Variants in ST7 observed in about 807,000 individuals in gnomAD.
The protein encoded by ST7 is suppression of tumorigenicity 7.
In ST7, 28 loss-of-function variants were observed where a neutral mutation model predicts 78.7. The observed-to-expected ratio is 0.36, with a 90% CI of 0.26 to 0.49. The LOEUF (loss-of-function observed/expected upper bound fraction) is 0.49, where lower values mean the gene tolerates loss of function less well. Ranked by LOEUF, ST7 falls within the 20% of genes least tolerant of loss-of-function variation. The pLI is 0.99. For missense variants in ST7, 418 were observed against 696.0 expected, an observed-to-expected ratio of 0.60 and a Z score of 4.49; for synonymous variants, 247 against 249.6, an observed-to-expected ratio of 0.99 and a Z score of 0.10.
At chr7:116,969,979 G>T (rs986517573) in intron 1 of ST7, among the ~76,000 whole-genome samples, 3 of 152,154 alleles carry the variant, frequency 2.0e-5, no homozygotes, top group Non-Finnish European at 4.4e-5. Context: ...GGAGACTGAG[G>T]CAGGAGAATC....
At chr7:117,154,308 G>T (rs777690048) in intron 9 of ST7, among the ~76,000 whole-genome samples, 1 of 152,184 alleles carries the variant, frequency 6.6e-6, no homozygotes, top group Non-Finnish European at 1.5e-5. Context: ...AGCCAAATCT[G>T]CCAGGACCTG....
chr7:117,001,287 G>A (rs1794922001), intron 1 of ST7, among the ~76,000 whole-genome samples: 1 of 151,014 alleles, frequency 6.6e-6, no homozygotes, highest in Admixed American at 6.6e-5. Context: ...GTAGAAGAAT[G>A]TATGTATTTG....
chr7:116,978,263 A>G (rs1196650182), intron 1 of ST7, among the ~76,000 whole-genome samples: 1 of 152,192 alleles, frequency 6.6e-6, no homozygotes, highest in Non-Finnish European at 1.5e-5. Context: ...TTGCTTCCTG[A>G]CTTGCAGGTG....
intron 12 of ST7, among the ~76,000 whole-genome samples, chr7:117,195,604 T>G (rs1296507855): frequency 6.6e-6 from 1 of 152,164 alleles, no homozygotes; most frequent in African/African-American, 2.4e-5. Flanking sequence ...ACGTCCTTTT[T>G]CACATGACAG....
intron 9 of ST7, among the ~76,000 whole-genome samples, chr7:117,163,768 C>T (rs192091380): frequency 6.6e-6 from 1 of 152,226 alleles, no homozygotes; most frequent in East Asian, 1.9e-4. Context: ...GTTTCCTTTG[C>T]TGTGCGGAAG....
chr7:117,160,174 A>G (rs1807014145), intron 9 of ST7, among the ~76,000 whole-genome samples: 1 of 150,924 alleles, frequency 6.6e-6, no homozygotes, highest in Non-Finnish European at 1.5e-5. Flanking sequence ...CGGAGGTTGC[A>G]GTGAGCCAAG....
intron 6 of ST7, among the ~76,000 whole-genome samples, chr7:117,133,014 C>G (rs145562938): frequency 6.6e-6 from 1 of 151,876 alleles, no homozygotes; most frequent in South Asian, 2.1e-4. Context: ...ATCGTAGCTG[C>G]GGATCTTAAA....
intron 2 of ST7, 72 bp from the exon 3 acceptor site, chr7:117,119,489 G>GT: frequency 2.9e-6 from 4 of 1,399,840 alleles, no homozygotes; most frequent in Non-Finnish European, 3.8e-6. Flanking sequence ...AATGTAACAT[G>GT]TTTTATGGGC....
At chr7:117,191,697 G>T (rs987768139) in intron 12 of ST7, 1 of 152,122 alleles carries the variant, frequency 6.6e-6, no homozygotes, top group Admixed American at 6.5e-5. Context: ...GTAGCTGAGA[G>T]CCACTTTCAG....
chr7:117,131,424 A>T, intron 5 of ST7, among the ~76,000 whole-genome samples: 1 of 151,844 alleles, frequency 6.6e-6, no homozygotes, highest in Non-Finnish European at 1.5e-5. Context: ...CAAAAGCTTA[A>T]GCATTTTTTA....
intron 12 of ST7, among the ~76,000 whole-genome samples, chr7:117,193,409 C>T (rs1050276722): frequency 2.0e-5 from 3 of 152,132 alleles, no homozygotes; most frequent in Admixed American, 1.3e-4. Context: ...TATATAAGCC[C>T]TCTCACTTAT....
At chr7:117,078,571 G>A (rs1174846358) in intron 1 of ST7, among the ~76,000 whole-genome samples, 1 of 152,204 alleles carries the variant, frequency 6.6e-6, no homozygotes, top group Admixed American at 6.5e-5. Context: ...AACCCAGAGT[G>A]AGGCATAGAA....
chr7:116,961,599 G>A (rs954362796), intron 1 of ST7, among the ~76,000 whole-genome samples: 2 of 138,352 alleles, frequency 1.4e-5, no homozygotes, highest in Non-Finnish European at 3.1e-5. Flanking sequence ...TGTGTGGTGG[G>A]GGGCAATTGT....
chr7:116,955,549 C>T (rs1320006394), intron 1 of ST7, among the ~76,000 whole-genome samples: 1 of 152,188 alleles, frequency 6.6e-6, no homozygotes, highest in Non-Finnish European at 1.5e-5. Context: ...TCCCACCTTT[C>T]AACACTTTTG....
At chr7:117,116,792 A>G (rs546656927) in intron 2 of ST7, among the ~76,000 whole-genome samples, 119 of 152,286 alleles carry the variant, frequency 7.8e-4, no homozygotes, top group African/African-American at 2.6e-3. Context: ...ACTGAGGTCT[A>G]TTATTACTGC....
At chr7:117,105,814 C>G (rs1015782457) in intron 2 of ST7, among the ~76,000 whole-genome samples, 2 of 152,166 alleles carry the variant, frequency 1.3e-5, no homozygotes, top group African/African-American at 4.8e-5. Flanking sequence ...CAAATTATCA[C>G]ATGTACCCTG....
intron 1 of ST7, among the ~76,000 whole-genome samples, chr7:117,026,764 A>G (rs1332682033): frequency 1.3e-5 from 2 of 152,188 alleles, no homozygotes; most frequent in Non-Finnish European, 2.9e-5. Context: ...GGGCCTGGAT[A>G]TCTGCCAGGG....
chr7:117,124,741 A>G (rs1803686841), intron 3 of ST7, among the ~76,000 whole-genome samples: 2 of 152,130 alleles, frequency 1.3e-5, no homozygotes, highest in African/African-American at 4.8e-5. Flanking sequence ...TAATCTGCAA[A>G]CATGGGAATA....
At chr7:117,205,010 G>A (rs1791610198) in intron 12 of ST7, among the ~76,000 whole-genome samples, 1 of 152,196 alleles carries the variant, frequency 6.6e-6, no homozygotes, top group Non-Finnish European at 1.5e-5. Context: ...CAAGGCTGCA[G>A]TGAGCTATGG....
Sources: allele counts gnomAD v4.1 joint callset (sites outside exome capture counted in the v4.1 genomes callset), GRCh38; gene constraint gnomAD v4.1.1; transcripts MANE v1.5; gene names NCBI Gene and HGNC (gene_info 2026-07-23, HGNC 2026-07-21).